The following CNOT10 variants were observed in gnomAD, a reference collection of about 807,000 sequenced individuals.
CNOT10 encodes the protein CCR4-NOT transcription complex subunit 10.
In CNOT10, 30 loss-of-function variants were observed where a neutral mutation model predicts 94.6. The ratio of observed to expected loss-of-function variants is 0.32; its 90% CI spans 0.24 to 0.43. The LOEUF (loss-of-function observed/expected upper bound fraction) is 0.43. Ranked by LOEUF, CNOT10 falls within the 20% of genes least tolerant of loss-of-function variation. The pLI is 1.00. For synonymous variants in CNOT10, 289 were observed against 301.6 expected (o/e 0.96, Z 0.43); for missense variants, 759 against 877.2 (o/e 0.87, Z 1.70).
chr3:32,753,318 C>A, intron 13 of CNOT10: 2 of 1,084,920 alleles, frequency 1.8e-6, no homozygotes, highest in South Asian at 1.2e-5. Flanking sequence ...ACTCATCAGT[C>A]AAAAATCAGG....
intron 1 of CNOT10, among the ~76,000 whole-genome samples, chr3:32,690,527 G>T (rs7636188): frequency 0.029 from 4,382 of 151,882 alleles, 75 homozygotes; most frequent in African/African-American, 0.052. Context: ...TAGGACTACG[G>T]GTGTGTACTA....
At chr3:32,741,738 C>G (rs1269249514) in intron 13 of CNOT10, among the ~76,000 whole-genome samples, 2 of 146,672 alleles carry the variant, frequency 1.4e-5, no homozygotes, top group African/African-American at 5.0e-5. Flanking sequence ...CACTGCCCCC[C>G]AGCCTGGGCG....
chr3:32,718,078 C>G (rs1349453266), intron 7 of CNOT10, among the ~76,000 whole-genome samples: 1 of 151,754 alleles, frequency 6.6e-6, no homozygotes, highest in African/African-American at 2.4e-5. Flanking sequence ...AATCTTGATG[C>G]TTCTAGAAAA....
chr3:32,771,664 A>C (rs1000033811), intron 18 of CNOT10, among the ~76,000 whole-genome samples: 5 of 152,156 alleles, frequency 3.3e-5, no homozygotes, highest in Non-Finnish European at 5.9e-5. Flanking sequence ...AGATAAATTG[A>C]TAGATATAGT....
intron 1 of CNOT10, chr3:32,695,909 C>T: frequency 8.9e-7 from 1 of 1,123,998 alleles, no homozygotes; most frequent in Non-Finnish European, 1.3e-6. Flanking sequence ...CCATTTCTGG[C>T]AGAAAACTCG....
intron 18 of CNOT10, among the ~76,000 whole-genome samples, chr3:32,772,227 GTAGTT>G (rs1700937666): frequency 6.6e-6 from 1 of 152,192 alleles, no homozygotes; most frequent in Non-Finnish European, 1.5e-5. Context: ...GCATACAGTT[GTAGTT>G]CCAGCTACTC....
intron 1 of CNOT10, among the ~76,000 whole-genome samples, chr3:32,690,926 A>G (rs1469761019): frequency 6.6e-6 from 1 of 151,610 alleles, no homozygotes; most frequent in Non-Finnish European, 1.5e-5. Context: ...GAATATCTAT[A>G]TATCTACCCC....
rs1159534584 is a variant in CNOT10, at chr3:32,685,448, T to C, written c.-13T>C. ...CGCCACCTGCAGGGAAGAACCCGAG[T>C]CGAAGCGGGAAGATGGCTGCAGACA... On this transcript the variant is annotated 5_prime_UTR_variant, in exon 1 of 19. Transcript: ENST00000328834. 8 of 1,549,682 alleles carry C rather than the reference T, an allele frequency of 5.2e-6. No homozygotes were observed. Among genetic ancestry groups the C allele is most frequent in the South Asian group, 2.4e-5 (2 of 84,026 alleles).
At chr3:32,750,809 C>T (rs1261679227) in intron 13 of CNOT10, among the ~76,000 whole-genome samples, 1 of 152,144 alleles carries the variant, frequency 6.6e-6, no homozygotes, top group Non-Finnish European at 1.5e-5. Context: ...CTCAGCCTCC[C>T]AGAGTGCTGG....
chr3:32,691,304 G>A (rs1175443131), intron 1 of CNOT10, among the ~76,000 whole-genome samples: 2 of 152,008 alleles, frequency 1.3e-5, no homozygotes, highest in African/African-American at 2.4e-5. Flanking sequence ...TGGGACTACA[G>A]GTGTGTGCCA....
intron 4 of CNOT10, among the ~76,000 whole-genome samples, chr3:32,712,548 C>G (rs1697941642): frequency 6.6e-6 from 1 of 152,132 alleles, no homozygotes; most frequent in Non-Finnish European, 1.5e-5. Flanking sequence ...TGGTGCTCAA[C>G]AAGTTTTGGA....
rs1173937154 is a variant in CNOT10, at chr3:32,759,518, T to A, written c.1656T>A (p.Ala552=). 1 of 1,613,996 alleles carries A rather than the reference T, an allele frequency of 6.2e-7. No individual in the cohort carries two copies. Among genetic ancestry groups the A allele is most frequent in the East Asian group, 2.2e-5 (1 of 44,894 alleles). ...TGGCTTTGGGTGATAACCTCATGGC[T>A]TTGAATCATGCAGATAAACTTCTTC... ...VALALGDNLM[A]LNHADKLLQQ... The change falls in exon 14 of 19, where the codon GCT becomes GCA. Residue 552 remains alanine (A), a synonymous_variant. Transcript: ENST00000328834.
At chr3:32,702,919 T>G (rs893204627) in intron 1 of CNOT10, among the ~76,000 whole-genome samples, 8 of 151,110 alleles carry the variant, frequency 5.3e-5, no homozygotes, top group African/African-American at 1.5e-4. Flanking sequence ...TTTTGTTGTT[T>G]TTTTTTTTTT....
chr3:32,741,965 T>C (rs1216490155), intron 13 of CNOT10, among the ~76,000 whole-genome samples: 1 of 151,882 alleles, frequency 6.6e-6, no homozygotes, highest in Non-Finnish European at 1.5e-5. Flanking sequence ...GTTTTTATTT[T>C]ATTTTTTATT....
At chr3:32,737,330 G>A (rs1699233333) in intron 12 of CNOT10, 80 bp from the exon 13 acceptor site, 4 of 985,948 alleles carry the variant, frequency 4.1e-6, no homozygotes, top group East Asian at 5.1e-5. Context: ...AAAGTTGGGA[G>A]TAAGGACAGG....
intron 17 of CNOT10, 163 bp downstream of exon 17, chr3:32,764,972 G>A (rs1700601009): frequency 1.3e-6 from 2 of 1,517,528 alleles, no homozygotes; most frequent in South Asian, 2.5e-5. Flanking sequence ...CAACTAATCA[G>A]CATTGTAAAT....
In CNOT10 at chr3:32,720,199, A is replaced by C. The variant is rs1390926456; in HGVS notation, c.830A>C (p.Asn277Thr). The C allele has an allele frequency of 1.3e-6, 2 of 1,532,180 alleles. No individual in the cohort carries two copies. The highest frequency in any genetic ancestry group is 1.8e-6 in the Non-Finnish European group (2 of 1,122,812). 94.9% of individuals were successfully genotyped at this position (1,532,180 alleles called of 1,614,324 possible). ...GCCGTGAAGCTATTAAATAGTTCAA[A>C]CATTGCTGAGCATCCAGGATTCATG... The part of the protein sequence containing the change: ...RKAVKLLNSS[N>T]IAEHPGFMKT... The change falls in exon 8 of 19, where the codon AAC (asparagine) becomes ACC (threonine). Residue 277 changes from asparagine (N) to threonine (T), a missense_variant. This residue lies in a region of CNOT10 where 682 missense variants were observed against 799.4 expected (regional missense o/e 0.85). Transcript: ENST00000328834.
At chr3:32,688,829 T>C (rs1218799689) in intron 1 of CNOT10, among the ~76,000 whole-genome samples, 2 of 151,902 alleles carry the variant, frequency 1.3e-5, no homozygotes, top group African/African-American at 4.8e-5. Flanking sequence ...GTGGGAGGAT[T>C]GCTTGTACCT....
intron 13 of CNOT10, among the ~76,000 whole-genome samples, chr3:32,740,848 C>A (rs531303829): frequency 1.4e-5 from 2 of 144,358 alleles, no homozygotes; most frequent in Non-Finnish European, 1.5e-5. Flanking sequence ...GACGACAGAG[C>A]GAGACTCCGT....
Sources: allele counts gnomAD v4.1 joint callset (sites outside exome capture counted in the v4.1 genomes callset), GRCh38; gene constraint gnomAD v4.1.1; regional missense constraint gnomAD v4.1.1; transcripts MANE v1.5; gene names NCBI Gene and HGNC (gene_info 2026-07-23, HGNC 2026-07-21).